The following SLC4A10 variants were observed in gnomAD, a reference collection of about 807,000 sequenced individuals.
SLC4A10 encodes the protein sodium-driven chloride bicarbonate exchanger.
Under a neutral mutation model 137.7 loss-of-function variants are expected in SLC4A10, and 42 were observed. That is an observed-to-expected ratio of 0.30 (90% CI 0.24 to 0.39). The LOEUF (loss-of-function observed/expected upper bound fraction) is 0.39. SLC4A10 is among the 10% of genes least tolerant of loss of function. The pLI, the probability that SLC4A10 is intolerant of heterozygous loss-of-function variation, is 1.00. For synonymous variants in SLC4A10, 474 were observed against 464.1 expected (o/e 1.02, Z -0.27); for missense variants, 925 against 1,355.0 (o/e 0.68, Z 4.98).
At chr2:161,654,068 A>AGCC (rs902968228) in intron 1 of SLC4A10, among the ~76,000 whole-genome samples, 60 of 152,296 alleles carry the variant, frequency 3.9e-4, no homozygotes, top group African/African-American at 1.4e-3. Flanking sequence ...TTTTGAAAAT[A>AGCC]GCCACCACCA....
intron 1 of SLC4A10, among the ~76,000 whole-genome samples, chr2:161,700,191 G>C (rs2042980328): frequency 6.6e-6 from 1 of 152,158 alleles, no homozygotes; most frequent in Non-Finnish European, 1.5e-5. Context: ...GATCTGTCAG[G>C]ATCAGTTATG....
intron 15 of SLC4A10, among the ~76,000 whole-genome samples, chr2:161,925,047 G>A (rs925751805): frequency 2.6e-5 from 4 of 152,222 alleles, no homozygotes; most frequent in East Asian, 3.9e-4. Flanking sequence ...CAAACTACAC[G>A]GTGAAATGTA....
chr2:161,773,682 A>C (rs1217145107), intron 2 of SLC4A10, among the ~76,000 whole-genome samples: 2 of 151,836 alleles, frequency 1.3e-5, no homozygotes, highest in Non-Finnish European at 2.9e-5. Flanking sequence ...CAGGTGCAAT[A>C]TATTTAATGG....
chr2:161,833,625 G>A (rs1364134500), intron 3 of SLC4A10, among the ~76,000 whole-genome samples: 3 of 152,160 alleles, frequency 2.0e-5, no homozygotes, highest in Admixed American at 6.5e-5. Context: ...GGATGTTGTT[G>A]CTGTTACAGC....
At chr2:161,665,475 A>G (rs1206291043) in intron 1 of SLC4A10, among the ~76,000 whole-genome samples, 1 of 151,660 alleles carries the variant, frequency 6.6e-6, no homozygotes, top group Non-Finnish European at 1.5e-5. Flanking sequence ...TAATTTTTGC[A>G]AAGAAGAAGA....
At chr2:161,708,113 A>T (rs188559450) in intron 1 of SLC4A10, among the ~76,000 whole-genome samples, 1 of 151,632 alleles carries the variant, frequency 6.6e-6, no homozygotes, top group African/African-American at 2.4e-5. Flanking sequence ...CCTGAAAATT[A>T]AAGGGTGAAT....
At chr2:161,802,623 A>G (rs1228029181) in intron 2 of SLC4A10, among the ~76,000 whole-genome samples, 1 of 152,136 alleles carries the variant, frequency 6.6e-6, no homozygotes, top group African/African-American at 2.4e-5. Flanking sequence ...GCTGCCAGAA[A>G]AAAATACCAC....
At chr2:161,877,785 G>T (rs1035788385) in intron 8 of SLC4A10, among the ~76,000 whole-genome samples, 1 of 151,758 alleles carries the variant, frequency 6.6e-6, no homozygotes, top group Non-Finnish European at 1.5e-5. Context: ...ATTTTTATAG[G>T]CAGTTTTGCT....
chr2:161,661,855 C>A (rs2389424), intron 1 of SLC4A10, among the ~76,000 whole-genome samples: 140,877 of 152,260 alleles, frequency 0.93, 65,206 homozygotes, highest in East Asian at 1. Context: ...ATTTTACTAT[C>A]AATGAATATT....
intron 1 of SLC4A10, among the ~76,000 whole-genome samples, chr2:161,759,654 G>A (rs1339320748): frequency 1.3e-5 from 2 of 151,678 alleles, no homozygotes; most frequent in Non-Finnish European, 2.9e-5. Context: ...GTCATCTTTG[G>A]AAAAATGTTT....
rs186997541 is a variant in SLC4A10, at chr2:161,980,438, C to T, written c.*26+2678C>T. On this transcript the variant is annotated intron_variant, in intron 26 of 26. Coordinates refer to ENST00000446997, the MANE Select transcript of SLC4A10 (RefSeq NM_001178015.2). Reference sequence around the variant, plus strand: ...CCGAGGCGAGCAGATCACTTGAGCTCGGGAGCTCAAGATCGGCCTGGCCAA... The same window carrying T: ...CCGAGGCGAGCAGATCACTTGAGCTTGGGAGCTCAAGATCGGCCTGGCCAA... Among the ~76,000 whole-genome samples the T allele has an allele frequency of 6.0e-3, 906 of 152,258 alleles. 10 individuals carry two copies. The highest frequency in any genetic ancestry group is 0.012 in the African/African-American group (492 of 41,552).
At chr2:161,850,223 C>G (rs1344453917) in intron 4 of SLC4A10, among the ~76,000 whole-genome samples, 1 of 151,888 alleles carries the variant, frequency 6.6e-6, no homozygotes, top group African/African-American at 2.4e-5. Flanking sequence ...AACCCTGTCT[C>G]TACTAAAAAT....
chr2:161,949,194 G>A lies in SLC4A10; in HGVS notation c.2312G>A (p.Cys771Tyr), dbSNP rs748874179. 4 of 1,611,130 alleles carry A rather than the reference G, an allele frequency of 2.5e-6. No homozygotes were observed. The highest frequency in any genetic ancestry group is 3.4e-6 in the Non-Finnish European group (4 of 1,178,318). The stretch of plus-strand genomic sequence containing the variant: ...TTTGCTGTCTTTCTTACAATTCTGT[G>A]TATGGTTTTAATTGACTATGCCATT... ...SDFAVFLTIL[C>Y]MVLIDYAIGI... is the part of the protein sequence containing the mutation. The change falls in exon 18 of 27, where the codon TGT (cysteine) becomes TAT (tyrosine). Residue 771 changes from cysteine (C) to tyrosine (Y), a missense_variant. Cys to Tyr is a radical substitution (Grantham distance 194, BLOSUM62 -2). Coordinates refer to ENST00000446997, the MANE Select transcript of SLC4A10 (RefSeq NM_001178015.2).
At chr2:161,901,100 A>G in intron 12 of SLC4A10, 89 bp downstream of exon 12, 3 of 961,788 alleles carry the variant, frequency 3.1e-6, no homozygotes, top group Non-Finnish European at 4.9e-6. Flanking sequence ...GATCTAATTT[A>G]TTGTATACTT....
chr2:161,865,841 GA>G (rs1278307395), intron 6 of SLC4A10, among the ~76,000 whole-genome samples: 1 of 151,856 alleles, frequency 6.6e-6, no homozygotes, highest in Non-Finnish European at 1.5e-5. Flanking sequence ...ATGCAATCAA[GA>G]TTTAAATTTT....
At chr2:161,976,726 G>A (rs1699437365) in intron 24 of SLC4A10, 34 bp from the exon 25 acceptor site, 1 of 1,137,418 alleles carries the variant, frequency 8.8e-7, no homozygotes, top group African/African-American at 1.6e-5. Flanking sequence ...CTTATGTAAT[G>A]TTTATTATTT....
intron 2 of SLC4A10, among the ~76,000 whole-genome samples, chr2:161,783,343 CT>C: frequency 6.6e-6 from 1 of 151,938 alleles, no homozygotes; most frequent in East Asian, 1.9e-4. Context: ...ACCACCAGAC[CT>C]CCCTACAAAA....
intron 15 of SLC4A10, among the ~76,000 whole-genome samples, chr2:161,910,955 T>G (rs1685691726): frequency 1.3e-5 from 2 of 151,976 alleles, no homozygotes; most frequent in Non-Finnish European, 2.9e-5. Flanking sequence ...CATAATATTG[T>G]AAATATGTAA....
At chr2:161,754,821 G>T (rs1299476587) in intron 1 of SLC4A10, among the ~76,000 whole-genome samples, 1 of 151,996 alleles carries the variant, frequency 6.6e-6, no homozygotes, top group Non-Finnish European at 1.5e-5. Flanking sequence ...TCTATTAAAA[G>T]AGCTTTTATT....
Sources: allele counts gnomAD v4.1 joint callset (sites outside exome capture counted in the v4.1 genomes callset), GRCh38; gene constraint gnomAD v4.1.1; transcripts MANE v1.5; gene names NCBI Gene and HGNC (gene_info 2026-07-23, HGNC 2026-07-21).